SH3KBP1: variants seen among roughly 807,000 people sequenced by gnomAD.
The protein encoded by SH3KBP1 is SH3 domain containing kinase binding protein 1.
In SH3KBP1, 8 loss-of-function variants were observed where a neutral mutation model predicts 50.1. The observed-to-expected ratio is 0.16, with a 90% CI of 0.09 to 0.29. SH3KBP1 has a LOEUF of 0.29. Ranked by LOEUF, SH3KBP1 falls within the 10% of genes least tolerant of loss-of-function variation. SH3KBP1 has a pLI of 1.00. For synonymous variants in SH3KBP1, 227 were observed against 218.6 expected, an observed-to-expected ratio of 1.04 and a Z score of -0.34; for missense variants, 377 against 535.2, an observed-to-expected ratio of 0.70 and a Z score of 2.92.
At chrX:19,577,049 C>T (rs184638485) in intron 12 of SH3KBP1, among the ~76,000 whole-genome samples, 292 of 112,497 alleles carry the variant, frequency 2.6e-3, no homozygotes, top group Middle Eastern at 4.6e-3. Flanking sequence ...ATCATGACTT[C>T]TCCCTCTGCC....
At chrX:19,560,283 C>T (rs1236590363) in intron 13 of SH3KBP1, among the ~76,000 whole-genome samples, 1 of 108,867 alleles carries the variant, frequency 9.2e-6, no homozygotes, top group Non-Finnish European at 1.9e-5. Context: ...ATTAAAAGAA[C>T]TGACAGAACT....
At chrX:19,715,274 CA>C (rs35221727) in intron 3 of SH3KBP1, among the ~76,000 whole-genome samples, 3,211 of 40,234 alleles carry the variant, frequency 0.08, 111 homozygotes, top group African/African-American at 0.23. Context: ...ACCTTGTCTC[CA>C]AAAAAAAAAA....
chrX:19,573,000 C>A (rs1301681678), intron 12 of SH3KBP1, among the ~76,000 whole-genome samples: 1 of 111,439 alleles, frequency 9.0e-6, no homozygotes, highest in Non-Finnish European at 1.9e-5. Context: ...CCACCCAGTT[C>A]AGTAGCTGGA....
intron 7 of SH3KBP1, among the ~76,000 whole-genome samples, chrX:19,644,145 C>G (rs2061934577): frequency 9.0e-6 from 1 of 111,363 alleles, no homozygotes; most frequent in Admixed American, 9.5e-5. Context: ...GGAAGCCCCT[C>G]TTGGACCCCA....
At chrX:19,861,720 C>G (rs1315379517) in intron 1 of SH3KBP1, among the ~76,000 whole-genome samples, 1 of 111,225 alleles carries the variant, frequency 9.0e-6, no homozygotes. Flanking sequence ...CAAATACAGA[C>G]TGTGAAGTGG....
chrX:19,614,231 C>T (rs1264806385), intron 8 of SH3KBP1, among the ~76,000 whole-genome samples: 1 of 112,757 alleles, frequency 8.9e-6, no homozygotes, highest in East Asian at 2.8e-4. Flanking sequence ...TCTGTTCAAT[C>T]TTGCCAGCAT....
At chrX:19,551,066 G>A (rs926625693) in intron 13 of SH3KBP1, among the ~76,000 whole-genome samples, 1 of 111,819 alleles carries the variant, frequency 8.9e-6, no homozygotes, top group Middle Eastern at 4.6e-3. Context: ...TGGTCTGGCT[G>A]TATGACAGCT....
At chrX:19,886,317 T>C (rs1475303135) in intron 1 of SH3KBP1, among the ~76,000 whole-genome samples, 1 of 112,179 alleles carries the variant, frequency 8.9e-6, no homozygotes, top group Non-Finnish European at 1.9e-5. Context: ...TTATGATTTA[T>C]TATTATCTGC....
chrX:19,793,669 G>A (rs2066613897), intron 2 of SH3KBP1, among the ~76,000 whole-genome samples: 1 of 111,877 alleles, frequency 8.9e-6, no homozygotes, highest in Non-Finnish European at 1.9e-5. Context: ...GGGTTTCAAT[G>A]AGTCTTTACC....
At chrX:19,833,816 C>T (rs960080155) in intron 2 of SH3KBP1, among the ~76,000 whole-genome samples, 2 of 111,900 alleles carry the variant, frequency 1.8e-5, no homozygotes, top group African/African-American at 6.5e-5. Context: ...TGGAAAAACC[C>T]TCTTTCCACA....
In SH3KBP1 at chrX:19,856,111, G is replaced by A. The variant is rs376247020; in HGVS notation, c.5-19829C>T. On this transcript the variant is annotated intron_variant, in intron 1 of 17. Coordinates refer to ENST00000397821, the MANE Select transcript of SH3KBP1 (RefSeq NM_031892.3). Reference sequence around the variant, plus strand: ...ACTGAGAGGTTTGCACAGGTAAAAGGAAAGCTTTTAAAAAAAAAAAGGAGA... The same window carrying A: ...ACTGAGAGGTTTGCACAGGTAAAAGAAAAGCTTTTAAAAAAAAAAAGGAGA... Among the ~76,000 whole-genome samples, 11 of 109,358 alleles carry A rather than the reference G, an allele frequency of 1.0e-4. No homozygotes were observed. In the East Asian group the frequency reaches 2.0e-3, roughly 20 times the overall value. 95.0% of individuals were successfully genotyped at this position (109,358 alleles called of 115,157 possible).
chrX:19,826,755 C>G (rs2067692335), intron 2 of SH3KBP1, among the ~76,000 whole-genome samples: 1 of 109,478 alleles, frequency 9.1e-6, no homozygotes, highest in Non-Finnish European at 1.9e-5. Flanking sequence ...CATAACACAC[C>G]CAGAAAAATT....
chrX:19,788,077 C>T (rs1237837226), intron 2 of SH3KBP1, among the ~76,000 whole-genome samples: 1 of 109,956 alleles, frequency 9.1e-6, no homozygotes. Context: ...ATTTGAGTGG[C>T]GCTAATCCAA....
chrX:19,690,027 A>T (rs1011472404), intron 5 of SH3KBP1, among the ~76,000 whole-genome samples: 6 of 105,734 alleles, frequency 5.7e-5, no homozygotes, highest in African/African-American at 2.1e-4. Context: ...ATACATTTTT[A>T]AAAACCATCT....
intron 1 of SH3KBP1, among the ~76,000 whole-genome samples, chrX:19,841,068 C>A (rs1289410552): frequency 8.9e-6 from 1 of 112,098 alleles, no homozygotes; most frequent in Non-Finnish European, 1.9e-5. Context: ...TGTCTCCTCC[C>A]CCAAAGACGA....
chrX:19,659,585 C>T (rs932368685), intron 6 of SH3KBP1, among the ~76,000 whole-genome samples: 5 of 112,025 alleles, frequency 4.5e-5, no homozygotes, highest in Non-Finnish European at 9.4e-5. Flanking sequence ...ACATTTGATA[C>T]GTCTTCTAGA....
chrX:19,783,500 C>T (rs1344166601), intron 2 of SH3KBP1, among the ~76,000 whole-genome samples: 3 of 110,903 alleles, frequency 2.7e-5, no homozygotes, highest in Non-Finnish European at 3.8e-5. Context: ...CTTATTCCTC[C>T]CATCTAGCTG....
Position 19,814,595 on chromosome X carries a change from G to A in SH3KBP1, c.162+21530C>T, listed in dbSNP as rs149836268. On this transcript the variant is annotated intron_variant, in intron 2 of 17. Transcript: ENST00000397821. ...TTTGCACGTGCCGTTCCCACTGCCC[G>A]AAGGGCTCTTTCCCCCAGATCCCCA... Among the ~76,000 whole-genome samples the A allele has an allele frequency of 6.6e-3, 739 of 111,795 alleles. 2 individuals are homozygous for A. The highest frequency in any genetic ancestry group is 0.012 in the African/African-American group (358 of 30,752).
At position 19,879,225 on chromosome X, in the gene SH3KBP1, A is replaced by G. The variant is rs1030310062; in HGVS notation, c.4+8082T>C. Reference sequence around the variant, plus strand: ...GCGCCACTGCACTCCAGCCTGAGCAACAGAGTGAGACCCTGTCTCAAAAAA... The same window carrying G: ...GCGCCACTGCACTCCAGCCTGAGCAGCAGAGTGAGACCCTGTCTCAAAAAA... On this transcript the variant is annotated intron_variant, in intron 1 of 17. Transcript: ENST00000397821. Among the ~76,000 whole-genome samples the G allele has an allele frequency of 3.6e-5, 4 of 112,565 alleles. No homozygotes were observed. The East Asian group carries it at 1.1e-3, about 31-fold the overall frequency.
Sources: allele counts gnomAD v4.1 joint callset (sites outside exome capture counted in the v4.1 genomes callset), GRCh38; gene constraint gnomAD v4.1.1; transcripts MANE v1.5; gene names NCBI Gene and HGNC (gene_info 2026-07-23, HGNC 2026-07-21).